The following NFATC2 variants were observed in gnomAD, a reference collection of about 807,000 sequenced individuals.
NFATC2 encodes the protein nuclear factor of activated T cells 2, also known as nuclear factor of activated T-cells, cytoplasmic 2.
A neutral mutation model predicts 87.3 loss-of-function variants in NFATC2; 22 were observed. The ratio of observed to expected loss-of-function variants is 0.25; its 90% CI spans 0.18 to 0.36. The LOEUF is 0.36. Ranked by LOEUF, NFATC2 falls within the 10% of genes least tolerant of loss-of-function variation. The pLI is 1.00. For synonymous variants in NFATC2, 565 were observed against 542.2 expected (o/e 1.04, Z -0.58); for missense variants, 1,149 against 1,259.1 (o/e 0.91, Z 1.32).
chr20:51,398,535 G>A (rs1987570123), intron 10 of NFATC2, 108 bp downstream of exon 10: 3 of 662,518 alleles, frequency 4.5e-6, no homozygotes, highest in Non-Finnish European at 7.6e-6. Flanking sequence ...GAGAAGAGAG[G>A]GCCTTCAGCC....
At chr20:51,470,842 A>G (rs1988139481) in intron 5 of NFATC2, among the ~76,000 whole-genome samples, 1 of 152,232 alleles carries the variant, frequency 6.6e-6, no homozygotes, top group Non-Finnish European at 1.5e-5. Context: ...CAAAGAAGTA[A>G]ATAAAAATGA....
intron 9 of NFATC2, among the ~76,000 whole-genome samples, chr20:51,413,637 A>C (rs1979612868): frequency 6.6e-6 from 1 of 152,176 alleles, no homozygotes; most frequent in Non-Finnish European, 1.5e-5. Flanking sequence ...ACACGCCTAT[A>C]GTCCAGCTAC....
chr20:51,399,655 C>T (rs1432672604), intron 9 of NFATC2, among the ~76,000 whole-genome samples: 1 of 152,176 alleles, frequency 6.6e-6, no homozygotes, highest in Non-Finnish European at 1.5e-5. Context: ...TTGGCTACTG[C>T]TGCCCTGGGG....
chr20:51,544,577 C>A (rs913471327), upstream of NFATC2, among the ~76,000 whole-genome samples: 1 of 152,192 alleles, frequency 6.6e-6, no homozygotes, highest in Non-Finnish European at 1.5e-5. Context: ...CAAGCCACAG[C>A]CTCTCCCTTC....
intron 8 of NFATC2, among the ~76,000 whole-genome samples, chr20:51,433,883 T>C (rs1003956471): frequency 8.6e-5 from 13 of 151,736 alleles, no homozygotes; most frequent in African/African-American, 3.1e-4. Context: ...CGAGGTGCCA[T>C]TCAAAGGCCA....
At chr20:51,512,302 G>T (rs548171753) in intron 3 of NFATC2, among the ~76,000 whole-genome samples, 1 of 152,282 alleles carries the variant, frequency 6.6e-6, no homozygotes, top group South Asian at 2.1e-4. Context: ...ACGTCCCACC[G>T]TGAGTCCAGG....
intron 1 of NFATC2, among the ~76,000 whole-genome samples, chr20:51,560,399 C>T (rs887515511): frequency 1.1e-5 from 1 of 90,894 alleles, no homozygotes; most frequent in Non-Finnish European, 2.5e-5. Flanking sequence ...TGCTGAAATA[C>T]TTTCCATCAT....
At chr20:51,420,002 C>A (rs1270199713) in intron 9 of NFATC2, among the ~76,000 whole-genome samples, 2 of 106,174 alleles carry the variant, frequency 1.9e-5, no homozygotes, top group African/African-American at 2.8e-5. Flanking sequence ...TTCATGAGTT[C>A]ATAATGGTAC....
intron 9 of NFATC2, among the ~76,000 whole-genome samples, chr20:51,429,084 G>A (rs866026528): frequency 3.9e-5 from 6 of 152,334 alleles, no homozygotes; most frequent in East Asian, 1.9e-4. Flanking sequence ...AAACCAAGAC[G>A]TCCAAATCTC....
chr20:51,436,838 G>T (rs993429068), intron 6 of NFATC2, among the ~76,000 whole-genome samples: 2 of 152,154 alleles, frequency 1.3e-5, no homozygotes, highest in African/African-American at 4.8e-5. Context: ...GCCATGACAG[G>T]TCCCTGACTG....
At chr20:51,393,703 G>A (rs1345288092) in intron 10 of NFATC2, among the ~76,000 whole-genome samples, 3 of 152,138 alleles carry the variant, frequency 2.0e-5, no homozygotes, top group South Asian at 4.1e-4. Flanking sequence ...AGGTGGGGTC[G>A]GGGCAGCTTC....
At position 51,505,757 on chromosome 20, in the gene NFATC2, C is replaced by T. The variant is rs545010748; in HGVS notation, c.1332+11027G>A. Among the ~76,000 whole-genome samples the T allele has an allele frequency of 3.4e-3, 511 of 152,174 alleles. 2 individuals are homozygous for T. The highest frequency in any genetic ancestry group is 5.7e-3 in the Non-Finnish European group (389 of 68,016). On this transcript the variant is annotated intron_variant, in intron 3 of 10. Coordinates refer to ENST00000371564, the MANE Select transcript of NFATC2 (RefSeq NM_012340.5). ...TGCAGGCTGGGTGTCGTTGTCGTGG[C>T]ATCGTTTGAGGACAAGAGCTGCGCA...
intron 3 of NFATC2, among the ~76,000 whole-genome samples, chr20:51,503,037 T>C (rs1240738147): frequency 6.6e-6 from 1 of 152,174 alleles, no homozygotes; most frequent in Non-Finnish European, 1.5e-5. Context: ...AAATCCTTCA[T>C]ACATTATAAT....
At chr20:51,554,305 C>T (rs2076959473) in intron 1 of NFATC2, among the ~76,000 whole-genome samples, 1 of 152,212 alleles carries the variant, frequency 6.6e-6, no homozygotes, top group African/African-American at 2.4e-5. Context: ...CAAATGCAAA[C>T]AGGCATGTCT....
chr20:51,404,944 G>A (rs1344340080), intron 9 of NFATC2, among the ~76,000 whole-genome samples: 2 of 152,202 alleles, frequency 1.3e-5, no homozygotes, highest in Non-Finnish European at 2.9e-5. Context: ...TGGGGCTTAC[G>A]AGAAAGATGC....
intron 3 of NFATC2, among the ~76,000 whole-genome samples, chr20:51,511,259 G>A (rs1197974909): frequency 6.6e-6 from 1 of 152,164 alleles, no homozygotes; most frequent in Non-Finnish European, 1.5e-5. Context: ...GCCCTCCTGG[G>A]CTTGTCTGTT....
chr20:51,500,345 T>A (rs1446066102), intron 3 of NFATC2, among the ~76,000 whole-genome samples: 1 of 152,040 alleles, frequency 6.6e-6, no homozygotes, highest in Non-Finnish European at 1.5e-5. Context: ...CAGCTTCAAG[T>A]CCCTGAATGA....
intron 9 of NFATC2, among the ~76,000 whole-genome samples, chr20:51,429,976 G>A (rs1348199213): frequency 6.6e-6 from 1 of 152,134 alleles, no homozygotes; most frequent in Non-Finnish European, 1.5e-5. Flanking sequence ...AGGCCCAAAA[G>A]GGTCTCGGTG....
At chr20:51,505,156 T>G (rs986618177) in intron 3 of NFATC2, among the ~76,000 whole-genome samples, 1 of 151,498 alleles carries the variant, frequency 6.6e-6, no homozygotes, top group East Asian at 1.9e-4. Flanking sequence ...TGGGACTACA[T>G]GCGCCCGCCA....
Sources: allele counts gnomAD v4.1 joint callset (sites outside exome capture counted in the v4.1 genomes callset), GRCh38; gene constraint gnomAD v4.1.1; transcripts MANE v1.5; gene names NCBI Gene and HGNC (gene_info 2026-07-23, HGNC 2026-07-21).